The following TRPS1 variants were observed in gnomAD, a reference collection of about 807,000 sequenced individuals.
The protein encoded by TRPS1 is zinc finger transcription factor Trps1.
TRPS1 carries 6 observed loss-of-function variants against 101.2 expected under a neutral mutation model. That is an observed-to-expected ratio of 0.06 (90% CI 0.03 to 0.12). The LOEUF is 0.12. TRPS1 is among the 10% of genes least tolerant of loss of function. The probability of loss-of-function intolerance (pLI) is 1.00; values close to 1 mark genes in which losing one functional copy is unlikely to be tolerated. For missense variants in TRPS1, 1,363 were observed against 1,567.0 expected (o/e 0.87, Z 2.20); for synonymous variants, 578 against 589.8 (o/e 0.98, Z 0.29).
intron 5 of TRPS1, among the ~76,000 whole-genome samples, chr8:115,575,128 G>A (rs1352963295): frequency 6.6e-6 from 1 of 151,996 alleles, no homozygotes; most frequent in East Asian, 1.9e-4. Context: ...ATTTAAAATC[G>A]CAAGCAAGTT....
intron 2 of TRPS1, among the ~76,000 whole-genome samples, chr8:115,622,357 T>C (rs1818414573): frequency 6.6e-6 from 1 of 152,082 alleles, no homozygotes; most frequent in African/African-American, 2.4e-5. Flanking sequence ...ATTTTACTAG[T>C]AGTCAATAAA....
At chr8:115,605,467 T>C (rs1400711089) in intron 3 of TRPS1, among the ~76,000 whole-genome samples, 1 of 152,142 alleles carries the variant, frequency 6.6e-6, no homozygotes, top group Non-Finnish European at 1.5e-5. Context: ...AAATATTCTG[T>C]TCAGTTCCTA....
At chr8:115,611,109 T>C (rs1337028163) in intron 3 of TRPS1, among the ~76,000 whole-genome samples, 1 of 136,336 alleles carries the variant, frequency 7.3e-6, no homozygotes, top group African/African-American at 2.8e-5. Flanking sequence ...AGAGCAAGAC[T>C]CCATATCAAA....
chr8:115,487,558 G>A (rs1031220387), intron 5 of TRPS1, among the ~76,000 whole-genome samples: 5 of 152,162 alleles, frequency 3.3e-5, no homozygotes, highest in Non-Finnish European at 5.9e-5. Context: ...AAGAACATTC[G>A]TAATTCGTGG....
chr8:115,628,657 T>A (rs1373100477), intron 1 of TRPS1, among the ~76,000 whole-genome samples: 1 of 151,854 alleles, frequency 6.6e-6, no homozygotes, highest in Non-Finnish European at 1.5e-5. Flanking sequence ...AGTAACAGGC[T>A]TAGAAAGCTT....
chr8:115,465,112 C>G (rs1814284782), intron 5 of TRPS1, among the ~76,000 whole-genome samples: 1 of 151,990 alleles, frequency 6.6e-6, no homozygotes, highest in African/African-American at 2.4e-5. Flanking sequence ...AAGAACATTT[C>G]AATTTCACTT....
intron 5 of TRPS1, among the ~76,000 whole-genome samples, chr8:115,419,995 C>T (rs1813013251): frequency 1.3e-5 from 2 of 152,088 alleles, no homozygotes; most frequent in Admixed American, 6.6e-5. Flanking sequence ...AATAACTTAA[C>T]AAGATTGGGG....
intron 5 of TRPS1, among the ~76,000 whole-genome samples, chr8:115,519,686 T>TTG (rs1815810180): frequency 1.3e-5 from 2 of 151,508 alleles, no homozygotes; most frequent in South Asian, 4.2e-4. Context: ...TCAAAAGGTT[T>TTG]TGTCCCATAT....
chr8:115,613,929 G>A (rs1268796899), intron 3 of TRPS1, among the ~76,000 whole-genome samples: 1 of 152,124 alleles, frequency 6.6e-6, no homozygotes, highest in Admixed American at 6.6e-5. Flanking sequence ...TTAAACAAGG[G>A]TTTGTATGAT....
intron 5 of TRPS1, among the ~76,000 whole-genome samples, chr8:115,523,924 T>C (rs1170770977): frequency 6.6e-6 from 1 of 152,160 alleles, no homozygotes; most frequent in Non-Finnish European, 1.5e-5. Context: ...TCCATTCTCT[T>C]TCCAAAATAG....
intron 5 of TRPS1, among the ~76,000 whole-genome samples, chr8:115,486,045 T>C (rs1474145344): frequency 6.6e-6 from 1 of 152,240 alleles, no homozygotes; most frequent in Non-Finnish European, 1.5e-5. Context: ...ACTGCATTTT[T>C]AACAAAATGT....
intron 5 of TRPS1, among the ~76,000 whole-genome samples, chr8:115,478,185 T>C (rs1814653440): frequency 6.6e-6 from 1 of 152,226 alleles, no homozygotes; most frequent in Non-Finnish European, 1.5e-5. Flanking sequence ...CTCACTAGCC[T>C]ACACCTATGC....
chr8:115,491,512 T>C (rs1815020346), intron 5 of TRPS1, among the ~76,000 whole-genome samples: 1 of 152,140 alleles, frequency 6.6e-6, no homozygotes, highest in Non-Finnish European at 1.5e-5. Flanking sequence ...TGCTGGCGTA[T>C]GCCTGTAGTC....
At chr8:115,643,803 T>C (rs890674257) in intron 1 of TRPS1, among the ~76,000 whole-genome samples, 2 of 152,250 alleles carry the variant, frequency 1.3e-5, no homozygotes, top group Non-Finnish European at 2.9e-5. Context: ...GGAATCACTA[T>C]GGCAGGTATA....
At chr8:115,580,559 A>G (rs1399580854) in intron 5 of TRPS1, among the ~76,000 whole-genome samples, 1 of 152,082 alleles carries the variant, frequency 6.6e-6, no homozygotes, top group African/African-American at 2.4e-5. Flanking sequence ...GTCCTGACTC[A>G]TGCAGTCCAT....
At chr8:115,663,742 A>C (rs1303683811) in intron 1 of TRPS1, among the ~76,000 whole-genome samples, 1 of 151,470 alleles carries the variant, frequency 6.6e-6, no homozygotes, top group Non-Finnish European at 1.5e-5. Context: ...AAAAAAAAAA[A>C]ACTGGGATAG....
chr8:115,501,214 T>C (rs895411877), intron 5 of TRPS1, among the ~76,000 whole-genome samples: 1 of 152,368 alleles, frequency 6.6e-6, no homozygotes, highest in South Asian at 2.1e-4. Context: ...TTGTTTGGTT[T>C]ACTACGTATT....
chr8:115,422,732 A>G (rs1385082531), intron 5 of TRPS1, among the ~76,000 whole-genome samples: 2 of 152,196 alleles, frequency 1.3e-5, no homozygotes, highest in Admixed American at 1.3e-4. Context: ...GCTCTCTTTT[A>G]TCTTTAACAT....
intron 5 of TRPS1, among the ~76,000 whole-genome samples, chr8:115,584,598 C>T (rs141624261): frequency 0.011 from 1,656 of 149,956 alleles, 36 homozygotes; most frequent in South Asian, 0.046. Flanking sequence ...TTTTTTTTGG[C>T]CTTTAGTAAA....
Sources: allele counts gnomAD v4.1 joint callset (sites outside exome capture counted in the v4.1 genomes callset), GRCh38; gene constraint gnomAD v4.1.1; transcripts MANE v1.5; gene names NCBI Gene and HGNC (gene_info 2026-07-23, HGNC 2026-07-21).